The following ATP2C1 variants were observed in gnomAD, a reference collection of about 807,000 sequenced individuals.
The protein encoded by ATP2C1 is calcium-transporting ATPase type 2C member 1.
ATP2C1 carries 31 observed loss-of-function variants against 120.5 expected under a neutral mutation model. The observed-to-expected ratio is 0.26, with a 90% CI of 0.19 to 0.35. The LOEUF (loss-of-function observed/expected upper bound fraction) is 0.35. Among genes scored for constraint, ATP2C1 ranks in the 10% least tolerant of loss-of-function variants. The probability of loss-of-function intolerance (pLI) is 1.00; values close to 1 mark genes in which losing one functional copy is unlikely to be tolerated. For synonymous variants in ATP2C1, 351 were observed against 358.7 expected (o/e 0.98, Z 0.24); for missense variants, 731 against 1,107.5 (o/e 0.66, Z 4.83).
chr3:130,947,251 TAA>T (rs932163289), intron 8 of ATP2C1, among the ~76,000 whole-genome samples: 3 of 148,074 alleles, frequency 2.0e-5, no homozygotes, highest in African/African-American at 7.4e-5. Flanking sequence ...TCCACCACAT[TAA>T]AAAAAAAAAT....
chr3:130,917,378 A>T (rs556502044), intron 2 of ATP2C1, among the ~76,000 whole-genome samples: 1 of 152,266 alleles, frequency 6.6e-6, no homozygotes, highest in South Asian at 2.1e-4. Context: ...TCTTTTTTTT[A>T]AAAGCAGATT....
At chr3:130,915,344 T>TC (rs1258048724) in intron 2 of ATP2C1, among the ~76,000 whole-genome samples, 1 of 152,154 alleles carries the variant, frequency 6.6e-6, no homozygotes, top group Non-Finnish European at 1.5e-5. Flanking sequence ...TCCACCCGCC[T>TC]CAGACTCCCA....
chr3:130,855,638 T>C (rs989164445), intron 1 of ATP2C1, among the ~76,000 whole-genome samples: 2 of 152,172 alleles, frequency 1.3e-5, no homozygotes, highest in African/African-American at 2.4e-5. Context: ...CATTCTGTTA[T>C]GTATAGTGAA....
downstream of ATP2C1, among the ~76,000 whole-genome samples, chr3:131,004,376 TG>T (rs971650665): frequency 6.6e-6 from 1 of 152,268 alleles, no homozygotes; most frequent in African/African-American, 2.4e-5. Flanking sequence ...AGTTACCACT[TG>T]AACTATTAAC....
intron 14 of ATP2C1, among the ~76,000 whole-genome samples, 174 bp downstream of exon 14, chr3:130,965,219 T>G (rs992380688): frequency 6.6e-6 from 1 of 152,066 alleles, no homozygotes; most frequent in African/African-American, 2.4e-5. Context: ...CTTGTACACT[T>G]GTTCAATCCA....
At chr3:130,942,567 G>C (rs552690982) in intron 8 of ATP2C1, among the ~76,000 whole-genome samples, 1 of 152,256 alleles carries the variant, frequency 6.6e-6, no homozygotes, top group African/African-American at 2.4e-5. Flanking sequence ...TGCTGTAGAA[G>C]GCCTGAAAAA....
intron 26 of ATP2C1, among the ~76,000 whole-genome samples, chr3:131,013,671 AAG>A (rs1035746930): frequency 2.6e-5 from 4 of 152,230 alleles, no homozygotes; most frequent in Non-Finnish European, 5.9e-5. Flanking sequence ...CTAAAGTACA[AAG>A]AGGAAACTGT....
In ATP2C1 at chr3:130,902,284, GTTTTTTTTTTTT is replaced by G. The variant is rs2057878901; in HGVS notation, c.6+7510_6+7521del. Among the ~76,000 whole-genome samples the G allele has an allele frequency of 1.1e-4, 7 of 65,506 alleles. No homozygotes were observed. In the East Asian group the frequency reaches 1.4e-3, roughly 13 times the overall value. The allele number at this position is 65,506 out of a possible 152,430, so 43.0% of individuals were successfully genotyped here. On this transcript the variant is annotated intron_variant, in intron 2 of 27. Coordinates refer to ENST00000510168, the MANE Select transcript of ATP2C1 (RefSeq NM_001378687.1). The stretch of plus-strand genomic sequence containing the variant: ...TTAACTGCTAATTTCAAGGCTTCAC[GTTTTTTTTTTTT>G]GTTTTTTTTTTTTTTTTTTTTTTTT...
intron 26 of ATP2C1, chr3:131,013,994 G>T: frequency 8.3e-7 from 1 of 1,206,258 alleles, no homozygotes; most frequent in Non-Finnish European, 1.2e-6. Flanking sequence ...TTTCAAGGGT[G>T]GTAACGGAAG....
intron 12 of ATP2C1, among the ~76,000 whole-genome samples, chr3:130,961,554 G>A (rs572963489): frequency 6.6e-6 from 1 of 152,008 alleles, no homozygotes; most frequent in African/African-American, 2.4e-5. Flanking sequence ...TAAGAAAGCA[G>A]AAAAATGATG....
At position 131,002,127 on chromosome 3, in the gene ATP2C1, C is replaced by CTGACTCT. The variant is rs899996541; in HGVS notation, c.*777_*778insTGACTCT. The CTGACTCT allele has an allele frequency of 1.0e-6, 1 of 984,614 alleles. No homozygotes were observed. The highest frequency in any genetic ancestry group is 6.2e-5 in the Admixed American group (1 of 16,248). 61.0% of individuals were successfully genotyped at this position (984,614 alleles called of 1,614,324 possible). A position where few individuals can be genotyped will look rare whatever the true frequency, so the allele number is the denominator to read the frequency against. On this transcript the variant is annotated 3_prime_UTR_variant, in exon 28 of 28. Coordinates refer to ENST00000510168, the MANE Select transcript of ATP2C1 (RefSeq NM_001378687.1). ...TAACGCTTAGTCATAGAGTCAAAAA[C>CTGACTCT]ATTTAAGACTGATTGGGTTGAAGTT...
intron 20 of ATP2C1, among the ~76,000 whole-genome samples, chr3:130,992,032 A>C (rs1414729260): frequency 6.6e-6 from 1 of 152,210 alleles, no homozygotes; most frequent in Non-Finnish European, 1.5e-5. Context: ...ATTGTTGGAG[A>C]GAGTGACATG....
chr3:131,005,823 T>G (rs2063086420), downstream of ATP2C1, among the ~76,000 whole-genome samples: 2 of 152,192 alleles, frequency 1.3e-5, no homozygotes, highest in Non-Finnish European at 2.9e-5. Context: ...TATTTCAATC[T>G]CCTTTGTTGT....
chr3:130,967,573 A>G (rs2061104501), intron 16 of ATP2C1, among the ~76,000 whole-genome samples, 154 bp downstream of exon 16: 1 of 152,188 alleles, frequency 6.6e-6, no homozygotes, highest in Admixed American at 6.5e-5. Flanking sequence ...TATCAGTTTT[A>G]TTCCTATAAA....
intron 1 of ATP2C1, among the ~76,000 whole-genome samples, chr3:130,876,171 T>C (rs2068597605): frequency 6.6e-6 from 1 of 152,116 alleles, no homozygotes; most frequent in African/African-American, 2.4e-5. Flanking sequence ...TTCCCTGTAC[T>C]CTTGAAGTCT....
At chr3:130,904,794 A>G (rs775925375) in intron 2 of ATP2C1, among the ~76,000 whole-genome samples, 13 of 151,946 alleles carry the variant, frequency 8.6e-5, no homozygotes, top group South Asian at 2.1e-4. Flanking sequence ...CGAGTTTTCT[A>G]TTTCACTCAT....
Position 130,977,318 on chromosome 3 carries a change from A to G in ATP2C1, c.1570+1830A>G, listed in dbSNP as rs140016972. On this transcript the variant is annotated intron_variant, in intron 18 of 27. Transcript: ENST00000510168. ...GCTAAGTTGCACTTATTTATTTTTTAAAAAGACCGTTGGTGAACAAAATGT... is the reference window on the plus strand; with the variant it reads ...GCTAAGTTGCACTTATTTATTTTTTGAAAAGACCGTTGGTGAACAAAATGT... Among the ~76,000 whole-genome samples the G allele has an allele frequency of 9.2e-5, 14 of 152,228 alleles. No homozygotes were observed. The East Asian group carries it at 2.1e-3, about 23-fold the overall frequency.
chr3:130,955,170 T>C (rs2060526521), intron 10 of ATP2C1, 90 bp downstream of exon 10: 1 of 903,840 alleles, frequency 1.1e-6, no homozygotes, highest in African/African-American at 1.6e-5. Context: ...TATATACTAT[T>C]GAGAGCAATA....
intron 2 of ATP2C1, among the ~76,000 whole-genome samples, chr3:130,927,413 T>A (rs2059262345): frequency 6.6e-6 from 1 of 152,088 alleles, no homozygotes; most frequent in African/African-American, 2.4e-5. Flanking sequence ...GCTAATTTTT[T>A]GTATTTTTTA....
Sources: allele counts gnomAD v4.1 joint callset (sites outside exome capture counted in the v4.1 genomes callset), GRCh38; gene constraint gnomAD v4.1.1; transcripts MANE v1.5; gene names NCBI Gene and HGNC (gene_info 2026-07-23, HGNC 2026-07-21).